The following ACTR3C variants were observed in gnomAD, a reference collection of about 807,000 sequenced individuals.
ACTR3C encodes actin related protein 3C.
Under a neutral mutation model 26.3 loss-of-function variants are expected in ACTR3C, and 18 were observed. That is an observed-to-expected ratio of 0.68 (90% CI 0.47 to 1.01). The LOEUF (loss-of-function observed/expected upper bound fraction) is 1.01, where lower values mean the gene tolerates loss of function less well. Among genes scored for constraint, ACTR3C ranks in the 50% least tolerant of loss-of-function variants. The probability of loss-of-function intolerance (pLI) is 0.00; values close to 1 mark genes in which losing one functional copy is unlikely to be tolerated. For missense variants in ACTR3C, 184 were observed against 250.7 expected (o/e 0.73, Z 1.80); for synonymous variants, 55 against 94.5 (o/e 0.58, Z 2.42).
intron 6 of ACTR3C, among the ~76,000 whole-genome samples, chr7:150,255,008 C>T (rs867736840): frequency 1.3e-5 from 2 of 152,046 alleles, no homozygotes; most frequent in Non-Finnish European, 2.9e-5. Flanking sequence ...AAATTGTCCC[C>T]AGGATTTTCC....
intron 1 of ACTR3C, among the ~76,000 whole-genome samples, chr7:150,302,123 T>C (rs1302065107): frequency 2.6e-5 from 4 of 152,228 alleles, no homozygotes; most frequent in Admixed American, 6.5e-5. Flanking sequence ...GCACAGGGCA[T>C]GAACAGACAG....
At chr7:149,973,079 C>T in the ACTR3C span, among the ~76,000 whole-genome samples, 2 of 151,998 alleles carry the variant, frequency 1.3e-5, no homozygotes, top group Non-Finnish European at 2.9e-5. Context: ...CCCAGGTAAG[C>T]CCCACGAGCG....
At chr7:150,089,898 A>G in the ACTR3C span, among the ~76,000 whole-genome samples, 1 of 152,254 alleles carries the variant, frequency 6.6e-6, no homozygotes, top group African/African-American at 2.4e-5. Flanking sequence ...GGGTTTTATA[A>G]AAATTTCCAA....
the ACTR3C span, among the ~76,000 whole-genome samples, chr7:150,177,725 G>C: frequency 1.3e-5 from 2 of 150,702 alleles, no homozygotes; most frequent in African/African-American, 5.0e-5. Context: ...TCTTGTTTAA[G>C]AATAGCTTCT....
At chr7:150,275,428 C>T (rs771838236) in intron 6 of ACTR3C, among the ~76,000 whole-genome samples, 1 of 152,228 alleles carries the variant, frequency 6.6e-6, no homozygotes, top group Non-Finnish European at 1.5e-5. Context: ...TAAACAGCGA[C>T]AACCAGGCGC....
chr7:150,057,274 T>A, the ACTR3C span, among the ~76,000 whole-genome samples: 1 of 136,822 alleles, frequency 7.3e-6, no homozygotes, highest in African/African-American at 2.8e-5. Flanking sequence ...TTGGAATAGG[T>A]CCTTTTTTTT....
chr7:150,147,414 A>T, the ACTR3C span, among the ~76,000 whole-genome samples: 1 of 152,220 alleles, frequency 6.6e-6, no homozygotes, highest in Non-Finnish European at 1.5e-5. Context: ...CCTGAAAGAA[A>T]TACTGATCAA....
At chr7:150,070,655 T>TTAGTAGATTTG in the ACTR3C span, among the ~76,000 whole-genome samples, 686 of 152,304 alleles carry the variant, frequency 4.5e-3, 8 homozygotes, top group African/African-American at 0.016. Context: ...TTTGCCATGT[T>TTAGTAGATTTG]GCCCAGGCTG....
At chr7:149,909,835 A>AT in the ACTR3C span, 1 of 500,924 alleles carries the variant, frequency 2.0e-6, no homozygotes, top group African/African-American at 2.0e-5. Flanking sequence ...AAATTAAAAA[A>AT]AAAAAACAAA....
the ACTR3C span, among the ~76,000 whole-genome samples, chr7:150,140,031 CACAT>C: frequency 2.0e-5 from 3 of 152,198 alleles, no homozygotes; most frequent in Admixed American, 6.5e-5. Flanking sequence ...CACACGTACA[CACAT>C]ACACACTCGC....
At chr7:150,095,982 C>G in the ACTR3C span, among the ~76,000 whole-genome samples, 70 of 148,342 alleles carry the variant, frequency 4.7e-4, no homozygotes, top group Admixed American at 1.2e-3. Context: ...ATGACTCCTC[C>G]CTCTCGAAGG....
intron 1 of ACTR3C, among the ~76,000 whole-genome samples, chr7:150,318,261 G>A (rs1797137780): frequency 2.6e-5 from 4 of 152,128 alleles, no homozygotes; most frequent in Non-Finnish European, 5.9e-5. Flanking sequence ...TCTGCCAAAA[G>A]ACACGAGGGA....
Position 150,274,904 on chromosome 7 carries a change from C to T in ACTR3C, c.564+9849G>A, listed in dbSNP as rs969416190. The stretch of plus-strand genomic sequence containing the variant: ...ATCAGCAGATCTCCTGGATGACGTT[C>T]TGGCGGTCAGCAGTCTTCTGGACAC... On this transcript the variant is annotated intron_variant, in intron 6 of 7. Coordinates refer to ENST00000683684, the MANE Select transcript of ACTR3C (RefSeq NM_001164458.2). This position sits in a 1 kb window ranked among gnomAD's most constrained non-coding sequence, Gnocchi z 4.1. 3.7e-4 allele frequency among the ~76,000 whole-genome samples: 56 copies of T among 152,244 alleles called. No homozygotes were observed. Among genetic ancestry groups the T allele is most frequent in the Non-Finnish European group, 6.2e-4 (42 of 68,042 alleles).
the ACTR3C span, among the ~76,000 whole-genome samples, chr7:149,932,076 C>A: frequency 6.6e-6 from 1 of 152,114 alleles, no homozygotes; most frequent in Non-Finnish European, 1.5e-5. Flanking sequence ...ATAGTGAAAA[C>A]CAGCCAGGAA....
chr7:149,993,489 T>A, the ACTR3C span, among the ~76,000 whole-genome samples: 1 of 152,172 alleles, frequency 6.6e-6, no homozygotes, highest in South Asian at 2.1e-4. Flanking sequence ...AACCCAGATG[T>A]TTTAGGAGAA....
the ACTR3C span, among the ~76,000 whole-genome samples, chr7:149,988,152 G>C: frequency 6.6e-6 from 1 of 152,200 alleles, no homozygotes; most frequent in Non-Finnish European, 1.5e-5. Flanking sequence ...GGAAGGAATG[G>C]GCGAGTTGTT....
chr7:150,251,139 G>A (rs1279769747), intron 6 of ACTR3C, among the ~76,000 whole-genome samples: 9 of 152,168 alleles, frequency 5.9e-5, no homozygotes, highest in Non-Finnish European at 1.0e-4. Context: ...CGTGTGACCT[G>A]TCCACCATGA....
intron 6 of ACTR3C, among the ~76,000 whole-genome samples, chr7:150,263,229 G>A (rs930549610): frequency 7.9e-5 from 12 of 151,906 alleles, no homozygotes; most frequent in South Asian, 2.1e-4. Flanking sequence ...AGAAACATAT[G>A]TATAGTCCAG....
the ACTR3C span, among the ~76,000 whole-genome samples, chr7:150,205,329 C>T: frequency 6.6e-6 from 1 of 152,200 alleles, no homozygotes; most frequent in African/African-American, 2.4e-5. Context: ...ACATCATTTT[C>T]GTTAGAGCTT....
Sources: allele counts gnomAD v4.1 joint callset (sites outside exome capture counted in the v4.1 genomes callset), GRCh38; gene constraint gnomAD v4.1.1; non-coding constraint Gnocchi (gnomAD v3.1); transcripts MANE v1.5; gene names NCBI Gene and HGNC (gene_info 2026-07-23, HGNC 2026-07-21).